AFF3: variants seen among roughly 807,000 people sequenced by gnomAD.
The protein encoded by AFF3 is AF4/FMR2 family member 3.
AFF3 carries 32 observed loss-of-function variants against 129.7 expected under a neutral mutation model. That is an observed-to-expected ratio of 0.25 (90% CI 0.19 to 0.33). The LOEUF (loss-of-function observed/expected upper bound fraction) is 0.33. AFF3 is among the 10% of genes least tolerant of loss of function. AFF3 has a pLI of 1.00. For missense variants in AFF3, 1,373 were observed against 1,592.0 expected (o/e 0.86, Z 2.34); for synonymous variants, 644 against 635.4 (o/e 1.01, Z -0.20).
chr2:99,861,090 G>T (rs142341237), intron 7 of AFF3, among the ~76,000 whole-genome samples: 1 of 152,282 alleles, frequency 6.6e-6, no homozygotes, highest in Admixed American at 6.5e-5. Context: ...GCTTCAGATG[G>T]AAGTGACTCA....
rs115288933 is a variant in AFF3, at chr2:99,610,749, G to C, written c.1185-9128C>G. 2.6e-3 allele frequency among the ~76,000 whole-genome samples: 390 copies of C among 152,314 alleles called. 1 individual carries two copies. Among genetic ancestry groups the C allele is most frequent in the African/African-American group, 8.9e-3 (369 of 41,568 alleles). ...TTTGTCTTCAGAATTGGACTCTGAT[G>C]AGTCTGGGTGGGGATTTCTTTGAGT... On this transcript the variant is annotated intron_variant, in intron 13 of 24. Transcript: ENST00000672756.
At chr2:99,695,150 CAA>C (rs1229910077) in intron 11 of AFF3, among the ~76,000 whole-genome samples, 1 of 152,106 alleles carries the variant, frequency 6.6e-6, no homozygotes, top group East Asian at 1.9e-4. Flanking sequence ...TATTTTAGTG[CAA>C]AGTGTTCACA....
intron 13 of AFF3, among the ~76,000 whole-genome samples, chr2:99,640,568 GA>G (rs1684097607): frequency 6.6e-6 from 1 of 151,260 alleles, no homozygotes; most frequent in South Asian, 2.1e-4. Context: ...CTTGCTTCAC[GA>G]TGTCTTGTAA....
chr2:100,021,679 G>C (rs1683613569), intron 4 of AFF3, among the ~76,000 whole-genome samples: 1 of 152,076 alleles, frequency 6.6e-6, no homozygotes, highest in Non-Finnish European at 1.5e-5. Flanking sequence ...TTTAATAAAA[G>C]GATATAAATC....
intron 13 of AFF3, among the ~76,000 whole-genome samples, chr2:99,625,077 A>G (rs1575536995): frequency 6.6e-6 from 1 of 152,156 alleles, no homozygotes; most frequent in African/African-American, 2.4e-5. Flanking sequence ...GAGGAGATTC[A>G]TTTTCAAGGA....
intron 7 of AFF3, among the ~76,000 whole-genome samples, chr2:99,954,969 C>A: frequency 6.7e-6 from 1 of 149,970 alleles, no homozygotes. Context: ...ACTTTGGAAA[C>A]TACAAAAAAA....
At position 99,959,696 on chromosome 2, in the gene AFF3, C is replaced by CATATAT. The variant is rs58551565; in HGVS notation, c.873+46930_873+46935dup. On this transcript the variant is annotated intron_variant, in intron 7 of 24. Coordinates refer to ENST00000672756, the MANE Select transcript of AFF3 (RefSeq NM_001386135.1). ...TTACATTTTAAAAAATAGTGTATAG[C>CATATAT]ATATATATATATATATATATATATA... 6.9e-3 allele frequency among the ~76,000 whole-genome samples: 952 copies of CATATAT among 138,110 alleles called. 11 individuals carry two copies. The highest frequency in any genetic ancestry group is 0.017 in the African/African-American group (653 of 38,144). 90.6% of individuals were successfully genotyped at this position (138,110 alleles called of 152,430 possible).
intron 13 of AFF3, among the ~76,000 whole-genome samples, chr2:99,629,757 G>A (rs1682953434): frequency 6.6e-6 from 1 of 152,174 alleles, no homozygotes; most frequent in Admixed American, 6.5e-5. Context: ...GTGTGCGGAT[G>A]GCCATCTTCT....
chr2:99,899,648 A>G (rs957561476), intron 7 of AFF3, among the ~76,000 whole-genome samples: 1 of 152,224 alleles, frequency 6.6e-6, no homozygotes, highest in African/African-American at 2.4e-5. Flanking sequence ...ACGCCACACA[A>G]TTGGCTTCAC....
chr2:99,609,759 C>G (rs1411658032), intron 13 of AFF3, among the ~76,000 whole-genome samples: 1 of 152,152 alleles, frequency 6.6e-6, no homozygotes, highest in African/African-American at 2.4e-5. Flanking sequence ...AAGGTTAAAT[C>G]TTATGTAACT....
intron 8 of AFF3, among the ~76,000 whole-genome samples, chr2:99,801,053 A>G (rs1321480297): frequency 6.6e-6 from 1 of 152,230 alleles, no homozygotes; most frequent in Non-Finnish European, 1.5e-5. Flanking sequence ...TTACTTACAT[A>G]TAATTATACA....
At chr2:99,713,236 C>T (rs1415625928) in intron 11 of AFF3, among the ~76,000 whole-genome samples, 1 of 151,278 alleles carries the variant, frequency 6.6e-6, no homozygotes, top group Non-Finnish European at 1.5e-5. Flanking sequence ...TAAGATGGTA[C>T]ATTTTATGTT....
chr2:99,876,595 G>A (rs1219037016), intron 7 of AFF3, among the ~76,000 whole-genome samples: 1 of 152,026 alleles, frequency 6.6e-6, no homozygotes, highest in African/African-American at 2.4e-5. Flanking sequence ...AGAACCCAGA[G>A]GAGTCTCTGT....
At position 99,800,939 on chromosome 2, in the gene AFF3, G is replaced by A. The variant is rs1685894861; in HGVS notation, c.921+36538C>T. Among the ~76,000 whole-genome samples, 3 of 152,270 alleles carry A rather than the reference G, an allele frequency of 2.0e-5. No individual in the cohort carries two copies. In the East Asian group the frequency reaches 5.8e-4, roughly 29 times the overall value. On this transcript the variant is annotated intron_variant, in intron 8 of 24. Coordinates refer to ENST00000672756, the MANE Select transcript of AFF3 (RefSeq NM_001386135.1). The stretch of plus-strand genomic sequence containing the variant: ...GGGGATGAGTGGGGTGTGTGGAGAA[G>A]GGTAGGAGGGATCAATTACAAGGGG...
intron 13 of AFF3, among the ~76,000 whole-genome samples, chr2:99,602,882 T>C (rs996409990): frequency 3.9e-5 from 6 of 152,234 alleles, no homozygotes; most frequent in Admixed American, 6.5e-5. Context: ...GTAATACTCA[T>C]TGGAGCTTTG....
chr2:100,111,129 C>G (rs1365826140), intron 2 of AFF3, among the ~76,000 whole-genome samples: 1 of 152,208 alleles, frequency 6.6e-6, no homozygotes, highest in African/African-American at 2.4e-5. Flanking sequence ...CATCTTTGGA[C>G]CATCCTACCC....
chr2:99,574,646 C>G (rs1468028192), intron 18 of AFF3, among the ~76,000 whole-genome samples: 1 of 152,166 alleles, frequency 6.6e-6, no homozygotes, highest in Non-Finnish European at 1.5e-5. Context: ...TTGTCTGAAT[C>G]CCATGTTTAT....
intron 7 of AFF3, among the ~76,000 whole-genome samples, chr2:99,953,613 T>G (rs1050346694): frequency 6.6e-6 from 1 of 152,248 alleles, no homozygotes; most frequent in African/African-American, 2.4e-5. Flanking sequence ...TTTTTCATCC[T>G]GTACTGAAGT....
At chr2:100,051,452 T>A (rs768794343) in intron 4 of AFF3, among the ~76,000 whole-genome samples, 14 of 152,174 alleles carry the variant, frequency 9.2e-5, no homozygotes, top group Non-Finnish European at 1.6e-4. Flanking sequence ...GTTCTGAGGC[T>A]GAAAATAGAT....
Sources: allele counts gnomAD v4.1 joint callset (sites outside exome capture counted in the v4.1 genomes callset), GRCh38; gene constraint gnomAD v4.1.1; transcripts MANE v1.5; gene names NCBI Gene and HGNC (gene_info 2026-07-23, HGNC 2026-07-21).